RAB43: variants seen among roughly 807,000 people sequenced by gnomAD.
RAB43 encodes the protein ras-related protein Rab-43.
In RAB43, 6 loss-of-function variants were observed where a neutral mutation model predicts 18.8. The observed-to-expected ratio is 0.32, with a 90% CI of 0.17 to 0.63. The LOEUF (loss-of-function observed/expected upper bound fraction) is 0.63, where lower values mean the gene tolerates loss of function less well. Ranked by LOEUF, RAB43 falls within the 30% of genes least tolerant of loss-of-function variation. The pLI is 0.79. For missense variants in RAB43, 195 were observed against 289.1 expected (o/e 0.67, Z 2.36); for synonymous variants, 103 against 124.1 (o/e 0.83, Z 1.13).
At chr3:129,096,766 G>A (rs1225896433) in intron 1 of RAB43, among the ~76,000 whole-genome samples, 1 of 152,108 alleles carries the variant, frequency 6.6e-6, no homozygotes, top group Non-Finnish European at 1.5e-5. Flanking sequence ...AGATAAAGTT[G>A]AAGAAATCCC....
intron 1 of RAB43, among the ~76,000 whole-genome samples, chr3:129,098,210 G>A (rs554450650): frequency 2.0e-5 from 3 of 152,226 alleles, no homozygotes; most frequent in East Asian, 1.9e-4. Flanking sequence ...CTATCAGAAC[G>A]TCACTATGGG....
chr3:129,108,204 A>C (rs1310573761), intron 1 of RAB43, among the ~76,000 whole-genome samples: 1 of 152,188 alleles, frequency 6.6e-6, no homozygotes, highest in East Asian at 1.9e-4. Context: ...TGTGGCCCTG[A>C]GGAGTGTGGA....
At chr3:129,116,145 G>C (rs1319805570) in intron 1 of RAB43, among the ~76,000 whole-genome samples, 1 of 152,168 alleles carries the variant, frequency 6.6e-6, no homozygotes, top group Non-Finnish European at 1.5e-5. Context: ...GTATGTATAA[G>C]ACAAAACATA....
chr3:129,104,857 ACTC>A (rs1291290507), intron 1 of RAB43, among the ~76,000 whole-genome samples: 9 of 151,914 alleles, frequency 5.9e-5, no homozygotes, highest in Non-Finnish European at 1.0e-4. Context: ...CTTTTGGTGC[ACTC>A]CTACCTACCC....
rs139016891 is a variant in RAB43, at chr3:129,091,327, G to A, written c.408C>T (p.Ser136=). 1,180 of 1,605,374 alleles carry A rather than the reference G, an allele frequency of 7.4e-4. 3 individuals are homozygous for A. The East Asian group carries it at 9.0e-3, about 12-fold the overall frequency. The change falls in exon 3 of 3, where the codon AGC becomes AGT. Residue 136 remains serine, a synonymous_variant. Transcript: ENST00000315150. ...CAGCCAAGGAGACCTCCCGAAGCTC[G>A]CTGAGGTCTGACTTGTTCCCTGCGG... ...QLLIGNKSDL[S]ELREVSLAEA... is the part of the protein sequence containing the mutation.
At chr3:129,113,848 G>A (rs763605939) in intron 1 of RAB43, among the ~76,000 whole-genome samples, 9 of 151,970 alleles carry the variant, frequency 5.9e-5, no homozygotes, top group Non-Finnish European at 1.2e-4. Flanking sequence ...CTAACATGGT[G>A]ACACCCCGTC....
chr3:129,094,147 C>T (rs1190559771), intron 2 of RAB43, among the ~76,000 whole-genome samples: 3 of 152,202 alleles, frequency 2.0e-5, no homozygotes, highest in African/African-American at 7.2e-5. Flanking sequence ...TCATGGGCCC[C>T]ACCCAGCCCG....
chr3:129,096,465 G>A (rs930662050), intron 1 of RAB43, among the ~76,000 whole-genome samples: 1 of 152,246 alleles, frequency 6.6e-6, no homozygotes, highest in Non-Finnish European at 1.5e-5. Flanking sequence ...TGAAGTGCAA[G>A]GTTTATGTGT....
At chr3:129,108,228 C>T (rs1392870496) in intron 1 of RAB43, among the ~76,000 whole-genome samples, 1 of 152,208 alleles carries the variant, frequency 6.6e-6, no homozygotes, top group African/African-American at 2.4e-5. Flanking sequence ...AAGCCCCCCA[C>T]CAAGCTCCAC....
At chr3:129,103,964 A>C (rs1300948074) in intron 1 of RAB43, among the ~76,000 whole-genome samples, 1 of 152,042 alleles carries the variant, frequency 6.6e-6, no homozygotes, top group East Asian at 1.9e-4. Context: ...ACACACATGC[A>C]CACACACTTT....
intron 1 of RAB43, among the ~76,000 whole-genome samples, chr3:129,116,425 C>G (rs1935530614): frequency 6.6e-6 from 1 of 152,180 alleles, no homozygotes; most frequent in Non-Finnish European, 1.5e-5. Context: ...ATCTAACAGT[C>G]CTTTTGCTAT....
intron 1 of RAB43, 55 bp downstream of exon 1, chr3:129,121,231 C>T (rs1935906609): frequency 1.4e-6 from 2 of 1,463,226 alleles, no homozygotes; most frequent in Admixed American, 2.2e-5. Context: ...GGCTCCGCTG[C>T]CCCCGCCCCA....
chr3:129,121,097 G>T (rs911752181), intron 1 of RAB43, among the ~76,000 whole-genome samples, 189 bp downstream of exon 1: 2 of 125,834 alleles, frequency 1.6e-5, no homozygotes, highest in African/African-American at 6.7e-5. Context: ...ACCCACGGCC[G>T]GCGCTTTGAG....
At chr3:129,104,017 C>T (rs556671203) in intron 1 of RAB43, among the ~76,000 whole-genome samples, 4 of 152,334 alleles carry the variant, frequency 2.6e-5, no homozygotes, top group East Asian at 1.9e-4. Flanking sequence ...CACAAGGGCA[C>T]GGGCTGCATC....
At position 129,089,966 on chromosome 3, in the gene RAB43, CCT is replaced by C. The variant is rs1181495642; in HGVS notation, c.*1128_*1129del. The C allele has an allele frequency of 2.0e-5, 3 of 150,722 alleles. No homozygotes were observed. The highest frequency in any genetic ancestry group is 6.6e-5 in the Admixed American group (1 of 15,054). The allele number at this position is 150,722 out of a possible 1,614,324, so 9.3% of individuals were successfully genotyped here. A position where few individuals can be genotyped will look rare whatever the true frequency, so the allele number is the denominator to read the frequency against. Reference sequence around the variant, plus strand: ...AGGAAGATCACCTGGCCCCTCCAGCCCTAGCCCTGGCTCTTTTGTCACTGTGA... The same window carrying C: ...AGGAAGATCACCTGGCCCCTCCAGCCAGCCCTGGCTCTTTTGTCACTGTGA... On this transcript the variant is annotated 3_prime_UTR_variant, in exon 3 of 3. Transcript: ENST00000315150.
intron 1 of RAB43, among the ~76,000 whole-genome samples, chr3:129,103,084 G>A (rs1934533014): frequency 6.6e-6 from 1 of 152,198 alleles, no homozygotes; most frequent in Non-Finnish European, 1.5e-5. Flanking sequence ...AGAGAAAAGA[G>A]GGAGGCTCTG....
intron 1 of RAB43, among the ~76,000 whole-genome samples, chr3:129,117,646 C>T (rs1935635748): frequency 6.6e-6 from 1 of 152,332 alleles, no homozygotes; most frequent in South Asian, 2.1e-4. Context: ...TTCTAAAATG[C>T]CCCATTCCAC....
At chr3:129,103,491 C>T (rs1369172549) in intron 1 of RAB43, among the ~76,000 whole-genome samples, 1 of 152,140 alleles carries the variant, frequency 6.6e-6, no homozygotes, top group Non-Finnish European at 1.5e-5. Context: ...CACCGAGGCC[C>T]TTGTCCTTGG....
In RAB43 at chr3:129,089,893, G is replaced by A. The variant is rs1050846920; in HGVS notation, c.*1203C>T. 2.8e-5 allele frequency: 4 copies of A among 143,698 alleles called. No homozygotes were observed. The East Asian group carries it at 6.2e-4, about 22-fold the overall frequency. 8.9% of individuals were successfully genotyped at this position (143,698 alleles called of 1,614,324 possible). Reference sequence around the variant, plus strand: ...ACTTCTGGGGGCACCCATGCTGAGGGGGCTGCGAGGCAGAGCTGGGCTGAC... The same window carrying A: ...ACTTCTGGGGGCACCCATGCTGAGGAGGCTGCGAGGCAGAGCTGGGCTGAC... On this transcript the variant is annotated 3_prime_UTR_variant, in exon 3 of 3. Transcript: ENST00000315150.
Sources: allele counts gnomAD v4.1 joint callset (sites outside exome capture counted in the v4.1 genomes callset), GRCh38; gene constraint gnomAD v4.1.1; transcripts MANE v1.5; gene names NCBI Gene and HGNC (gene_info 2026-07-23, HGNC 2026-07-21).